Variants in BLTP3A observed in about 807,000 individuals in gnomAD.
The protein encoded by BLTP3A is bridge-like lipid transfer protein family member 3A.
At chr6:34,867,704 G>A in the BLTP3A span, 2 of 1,467,750 alleles carry the variant, frequency 1.4e-6, no homozygotes. Context: ...TGCTCTAAGG[G>A]CAGCCACTCT....
the BLTP3A span, chr6:34,858,159 G>T: frequency 1.2e-6 from 2 of 1,614,058 alleles, no homozygotes. Context: ...AGCGGGCAGA[G>T]TTGCATCGTC....
the BLTP3A span, among the ~76,000 whole-genome samples, chr6:34,796,748 C>A: frequency 6.6e-6 from 1 of 152,224 alleles, no homozygotes; most frequent in East Asian, 1.9e-4. Flanking sequence ...ATCAGCAGGG[C>A]AGCCTTTTGC....
the BLTP3A span, among the ~76,000 whole-genome samples, chr6:34,870,250 G>C: frequency 2.0e-5 from 3 of 152,038 alleles, no homozygotes; most frequent in Non-Finnish European, 2.9e-5. Context: ...TTTCCCTGGG[G>C]TTGTATTTCT....
chr6:34,802,313 TCTC>T, the BLTP3A span, among the ~76,000 whole-genome samples: 2,793 of 151,646 alleles, frequency 0.018, 53 homozygotes, highest in Non-Finnish European at 0.026. Flanking sequence ...TTCAAGCAAT[TCTC>T]CTGCCTCAGC....
the BLTP3A span, among the ~76,000 whole-genome samples, chr6:34,829,488 G>A: frequency 2.0e-5 from 3 of 152,062 alleles, no homozygotes; most frequent in Admixed American, 6.6e-5. Flanking sequence ...ATTTGCTTCC[G>A]GCTACTTTAG....
the BLTP3A span, among the ~76,000 whole-genome samples, chr6:34,836,900 T>C: frequency 1.1e-3 from 170 of 152,368 alleles, no homozygotes; most frequent in Non-Finnish European, 1.9e-3. Flanking sequence ...AAAAAACTAA[T>C]TGACTGATTG....
chr6:34,856,477 G>A, the BLTP3A span: 2 of 1,545,588 alleles, frequency 1.3e-6, no homozygotes, highest in Non-Finnish European at 8.7e-7. Context: ...AATAACAGTG[G>A]AGATAAAGCA....
At chr6:34,796,199 C>T in the BLTP3A span, among the ~76,000 whole-genome samples, 1 of 152,010 alleles carries the variant, frequency 6.6e-6, no homozygotes, top group African/African-American at 2.4e-5. Context: ...GGAGAATGGC[C>T]CACAGCAGAG....
At chr6:34,874,666 C>T in the BLTP3A span, 1 of 152,236 alleles carries the variant, frequency 6.6e-6, no homozygotes, top group African/African-American at 2.4e-5. Context: ...TGCCTGAACA[C>T]TGTTAGAACT....
chr6:34,835,207 C>T, the BLTP3A span: 14 of 1,424,400 alleles, frequency 9.8e-6, no homozygotes, highest in African/African-American at 7.1e-5. Flanking sequence ...ATTGAAAAGC[C>T]GCTTCTGAAA....
chr6:34,855,707 AGGAAAACTCT>A, the BLTP3A span: 1 of 1,613,418 alleles, frequency 6.2e-7, no homozygotes, highest in Non-Finnish European at 8.5e-7. Context: ...TGGGCAGGTT[AGGAAAACTCT>A]GAATGGGGCC....
the BLTP3A span, chr6:34,859,082 C>T: frequency 3.3e-5 from 53 of 1,614,088 alleles, 1 homozygote; most frequent in Middle Eastern, 1.6e-3. Context: ...TCAGAGCTAT[C>T]TCCTTCAGAG....
At chr6:34,820,389 C>T in the BLTP3A span, among the ~76,000 whole-genome samples, 1 of 152,064 alleles carries the variant, frequency 6.6e-6, no homozygotes, top group African/African-American at 2.4e-5. Flanking sequence ...CTACAGATCC[C>T]TTGCAGTGGA....
At chr6:34,803,080 G>C in the BLTP3A span, among the ~76,000 whole-genome samples, 1 of 152,026 alleles carries the variant, frequency 6.6e-6, no homozygotes, top group Admixed American at 6.6e-5. Flanking sequence ...AGCTACTTGG[G>C]GGGCTGAGGT....
At chr6:34,832,055 C>T in the BLTP3A span, among the ~76,000 whole-genome samples, 2 of 152,012 alleles carry the variant, frequency 1.3e-5, no homozygotes, top group Non-Finnish European at 2.9e-5. Flanking sequence ...CCTCGTGATC[C>T]ACCCACCTCC....
chr6:34,810,233 A>G, the BLTP3A span, among the ~76,000 whole-genome samples: 2 of 152,224 alleles, frequency 1.3e-5, no homozygotes, highest in Non-Finnish European at 2.9e-5. Context: ...TGTGGGTCCC[A>G]TGGTGTTATT....
chr6:34,843,020 G>A, the BLTP3A span, among the ~76,000 whole-genome samples: 1 of 152,098 alleles, frequency 6.6e-6, no homozygotes, highest in Non-Finnish European at 1.5e-5. Flanking sequence ...GTCTTGTTCT[G>A]TTGCCCAGTC....
the BLTP3A span, chr6:34,856,675 T>TAA: frequency 1.5e-6 from 2 of 1,370,426 alleles, no homozygotes; most frequent in Non-Finnish European, 2.0e-6. Context: ...TAGACAGTGT[T>TAA]AAGCTCTCTT....
chr6:34,859,108 T>C, the BLTP3A span: 1 of 1,614,068 alleles, frequency 6.2e-7, no homozygotes, highest in South Asian at 1.1e-5. Flanking sequence ...GGAACTGAAG[T>C]CTGATGCCTC....
Sources: gnomAD v4.1 joint callset for allele counts (sites outside exome capture counted in the v4.1 genomes callset) on GRCh38, gnomAD v4.1.1 for gene constraint, MANE v1.5 for transcripts, NCBI Gene and HGNC (gene_info 2026-07-23, HGNC 2026-07-21) for gene names.